KALRN: variants seen among roughly 807,000 people sequenced by gnomAD.
KALRN encodes the protein kalirin RhoGEF kinase.
In KALRN, 70 loss-of-function variants were observed where a neutral mutation model predicts 353.7. That is an observed-to-expected ratio of 0.20 (90% CI 0.16 to 0.24). KALRN has a LOEUF of 0.24. Among genes scored for constraint, KALRN ranks in the 10% least tolerant of loss-of-function variants. The pLI is 1.00. For synonymous variants in KALRN, 1,391 were observed against 1,434.8 expected (o/e 0.97, Z 0.69); for missense variants, 2,791 against 3,756.7 (o/e 0.74, Z 6.72).
chr3:124,074,537 TTA>T (rs1478673263), intron 1 of KALRN, among the ~76,000 whole-genome samples: 1 of 152,218 alleles, frequency 6.6e-6, no homozygotes, highest in African/African-American at 2.4e-5. Flanking sequence ...AGAATTTATC[TTA>T]TCTGGAGAGA....
intron 34 of KALRN, among the ~76,000 whole-genome samples, chr3:124,612,200 T>G (rs77799918): frequency 6.6e-6 from 1 of 152,192 alleles, no homozygotes; most frequent in African/African-American, 2.4e-5. Context: ...AATTTTTTAA[T>G]TTTTTTAATT....
At chr3:124,318,879 C>T (rs566007185) in intron 6 of KALRN, among the ~76,000 whole-genome samples, 2 of 152,306 alleles carry the variant, frequency 1.3e-5, no homozygotes, top group African/African-American at 4.8e-5. Flanking sequence ...ACTGATATCA[C>T]ACACATTAGG....
At chr3:124,080,598 A>G (rs2060491868) in intron 1 of KALRN, among the ~76,000 whole-genome samples, 2 of 152,210 alleles carry the variant, frequency 1.3e-5, no homozygotes, top group South Asian at 4.1e-4. Flanking sequence ...GATATTCCAT[A>G]GTTTTCTTAG....
At position 124,334,306 on chromosome 3, in the gene KALRN, G is replaced by A. The variant is rs148771282; in HGVS notation, c.1458G>A (p.Arg486=). The stretch of plus-strand genomic sequence containing the variant: ...AAGCACTACTTGATGTGCTGCAGCG[G>A]CCCCTGAGCCCTGGGAACTCCGAAT... ...DGKALLDVLQ[R]PLSPGNSESL... is the part of the protein sequence containing the mutation. Residue 486 remains arginine (R), a synonymous_variant, in exon 9 of 60, where the codon CGG becomes CGA. Coordinates refer to ENST00000682506, the MANE Select transcript of KALRN (RefSeq NM_001388419.1). The surrounding 1 kb of genome is among the most constrained non-coding windows in gnomAD (Gnocchi z 4.2). 6 of 1,614,102 alleles carry A rather than the reference G, an allele frequency of 3.7e-6. No individual in the cohort carries two copies. Among genetic ancestry groups the A allele is most frequent in the African/African-American group, 1.3e-5 (1 of 74,918 alleles).
At chr3:124,704,355 C>A (rs2062494238) in intron 57 of KALRN, among the ~76,000 whole-genome samples, 1 of 152,208 alleles carries the variant, frequency 6.6e-6, no homozygotes, top group East Asian at 1.9e-4. Context: ...AAACAGATGG[C>A]TGATTTGATA....
chr3:124,448,707 CG>C (rs148901166), intron 21 of KALRN, among the ~76,000 whole-genome samples: 5,603 of 152,162 alleles, frequency 0.037, 203 homozygotes, highest in East Asian at 0.084. Context: ...GGCCCTTGTC[CG>C]TATAACCCTT....
rs552944989 is a variant in KALRN at position 124,082,160 on chromosome 3, C to T, written c.73+48347C>T. Reference sequence around the variant, plus strand: ...AATTGCATCAGGCTGCATGGCTTCCCGGGCTGGGGTTTGGCAGCACCATTG... The same window carrying T: ...AATTGCATCAGGCTGCATGGCTTCCTGGGCTGGGGTTTGGCAGCACCATTG... On this transcript the variant is annotated intron_variant, in intron 1 of 59. Transcript: ENST00000682506. 526 of 424,738 alleles carry T rather than the reference C, an allele frequency of 1.2e-3. 3 individuals carry two copies. Among genetic ancestry groups the T allele is most frequent in the Middle Eastern group, 1.5e-3 (4 of 2,746 alleles). 26.3% of individuals were successfully genotyped at this position (424,738 alleles called of 1,614,324 possible). A position where few individuals can be genotyped will look rare whatever the true frequency, so the allele number is the denominator to read the frequency against.
At chr3:124,434,620 A>C (rs2093399827) in intron 17 of KALRN, 95 bp downstream of exon 17, 2 of 1,085,634 alleles carry the variant, frequency 1.8e-6, no homozygotes, top group South Asian at 2.9e-5. Context: ...TGTCAGCGAG[A>C]AGCCTGTCCT....
At position 124,563,220 on chromosome 3, in the gene KALRN, C is replaced by A. The variant is rs138136938; in HGVS notation, c.5182+131C>A. ...TTTACCCTGTGGGGTTTCTTTGGGACCTGACTGTGAAGAGAATGGGTTGGG... is the reference window on the plus strand; with the variant it reads ...TTTACCCTGTGGGGTTTCTTTGGGAACTGACTGTGAAGAGAATGGGTTGGG... On this transcript the variant is annotated intron_variant, in intron 34 of 59. Coordinates refer to ENST00000682506, the MANE Select transcript of KALRN (RefSeq NM_001388419.1). The A allele has an allele frequency of 1.8e-4, 180 of 985,734 alleles. 1 individual carries two copies. In the East Asian group the frequency reaches 7.1e-3, roughly 39 times the overall value. The allele number at this position is 985,734 out of a possible 1,614,324, so 61.1% of individuals were successfully genotyped here. A position where few individuals can be genotyped will look rare whatever the true frequency, so the allele number is the denominator to read the frequency against.
intron 33 of KALRN, among the ~76,000 whole-genome samples, chr3:124,511,136 C>T (rs1388249215): frequency 6.6e-6 from 1 of 152,118 alleles, no homozygotes; most frequent in Non-Finnish European, 1.5e-5. Flanking sequence ...CTCCCCTTCC[C>T]CTAGTCAAAC....
At chr3:124,452,366 C>T (rs986086278) in intron 21 of KALRN, among the ~76,000 whole-genome samples, 28 of 152,170 alleles carry the variant, frequency 1.8e-4, no homozygotes, top group African/African-American at 6.8e-4. Flanking sequence ...ATTTTCTAGA[C>T]ACTGGAGATA....
At chr3:124,417,402 G>A (rs549110288) in intron 14 of KALRN, among the ~76,000 whole-genome samples, 4 of 152,130 alleles carry the variant, frequency 2.6e-5, no homozygotes, top group African/African-American at 9.7e-5. Flanking sequence ...AAATCTGACC[G>A]TGCGACTGTT....
Position 124,455,282 on chromosome 3 carries a change from A to G in KALRN, c.3658A>G (p.Lys1220Glu), listed in dbSNP as rs1230600629. ...EIRKWVTTVD[K>E]HYRDFSLRMG... The stretch of plus-strand genomic sequence containing the variant: ...AAGGAAATGGGTGACCACGGTGGAC[A>G]AGCACTACAGAGATTTCTCCCTGAG... The change falls in exon 22 of 60, where the codon AAG becomes GAG. Residue 1220 changes from lysine (K) to glutamate (E), a missense_variant. Coordinates refer to ENST00000682506, the MANE Select transcript of KALRN (RefSeq NM_001388419.1). 3 of 1,614,174 alleles carry G rather than the reference A, an allele frequency of 1.9e-6. No homozygotes were observed. Among genetic ancestry groups the G allele is most frequent in the Non-Finnish European group, 1.7e-6 (2 of 1,180,002 alleles).
intron 5 of KALRN, among the ~76,000 whole-genome samples, chr3:124,294,517 C>CTTATTTTTTTTT (rs1580621857): frequency 1.7e-5 from 1 of 60,010 alleles, no homozygotes; most frequent in East Asian, 7.4e-4. Flanking sequence ...AGAAGATTCT[C>CTTATTTTTTTTT]TTCTTTTTTT....
chr3:124,422,925 A>G lies in KALRN; in HGVS notation c.2656A>G (p.Lys886Glu). 6.2e-7 allele frequency: 1 copy of G among 1,613,834 alleles called. No individual in the cohort carries two copies. Among genetic ancestry groups the G allele is most frequent in the Non-Finnish European group, 8.5e-7 (1 of 1,179,810 alleles). The change falls in exon 15 of 60, where the codon AAG becomes GAG. Residue 886 changes from lysine to glutamate, a missense_variant. Physicochemically the swap from Lys to Glu is moderately conservative, Grantham distance 56 (BLOSUM62 1). This residue lies in a region of KALRN where 452 missense variants were observed against 575.8 expected (regional missense o/e 0.78). Transcript: ENST00000682506. ...ELELNAEQTH[K>E]RLEQCLQLRH... is the part of the protein sequence containing the mutation. ...GGAGCTCAATGCAGAGCAGACTCAT[A>G]AGCGGCTAGAGCAGTGCCTCCAATT...
At chr3:124,718,697 T>C (rs2063281960) in intron 59 of KALRN, among the ~76,000 whole-genome samples, 1 of 152,216 alleles carries the variant, frequency 6.6e-6, no homozygotes, top group African/African-American at 2.4e-5. Flanking sequence ...TGATTTTCAA[T>C]GTCAAACAAC....
At chr3:124,580,247 C>T (rs1379536468) in intron 34 of KALRN, among the ~76,000 whole-genome samples, 2 of 152,024 alleles carry the variant, frequency 1.3e-5, no homozygotes, top group African/African-American at 4.8e-5. Context: ...TGAGAACCAC[C>T]GCACTGCACC....
intron 34 of KALRN, among the ~76,000 whole-genome samples, chr3:124,611,126 T>C (rs543439048): frequency 1.2e-3 from 184 of 152,250 alleles, no homozygotes; most frequent in African/African-American, 4.3e-3. Flanking sequence ...GTGGGTGTTG[T>C]AGTTCTCAAT....
chr3:124,448,614 AG>A (rs1483349736), intron 21 of KALRN, among the ~76,000 whole-genome samples: 1 of 151,920 alleles, frequency 6.6e-6, no homozygotes, highest in Non-Finnish European at 1.5e-5. Flanking sequence ...TTTTAAGAGG[AG>A]CCCCTCCTTT....
Sources: gnomAD v4.1 joint callset for allele counts (sites outside exome capture counted in the v4.1 genomes callset) on GRCh38, gnomAD v4.1.1 for gene constraint, gnomAD v4.1.1 regional missense constraint, Gnocchi (gnomAD v3.1) non-coding constraint, MANE v1.5 for transcripts, NCBI Gene and HGNC (gene_info 2026-07-23, HGNC 2026-07-21) for gene names.